GRM7: variants seen among roughly 807,000 people sequenced by gnomAD.
The protein encoded by GRM7 is glutamate metabotropic receptor 7, also known as metabotropic glutamate receptor 7.
In GRM7, 35 loss-of-function variants were observed where a neutral mutation model predicts 84.5. That is an observed-to-expected ratio of 0.41 (90% CI 0.32 to 0.55). The LOEUF (loss-of-function observed/expected upper bound fraction) is 0.55, where lower values mean the gene tolerates loss of function less well. Among genes scored for constraint, GRM7 ranks in the 20% least tolerant of loss-of-function variants. The pLI, the probability that GRM7 is intolerant of heterozygous loss-of-function variation, is 0.19. For synonymous variants in GRM7, 487 were observed against 455.1 expected (o/e 1.07, Z -0.89); for missense variants, 1,003 against 1,194.6 (o/e 0.84, Z 2.36).
At chr3:7,668,581 G>A (rs1368051885) in intron 8 of GRM7, among the ~76,000 whole-genome samples, 1 of 152,264 alleles carries the variant, frequency 6.6e-6, no homozygotes, top group East Asian at 1.9e-4. Flanking sequence ...TGCTGAGAAA[G>A]TGAAGCTTAA....
chr3:7,215,016 A>T (rs1419991713), intron 2 of GRM7, among the ~76,000 whole-genome samples: 3 of 152,332 alleles, frequency 2.0e-5, no homozygotes, highest in Non-Finnish European at 4.4e-5. Flanking sequence ...TTTCTGTTTG[A>T]TGAAATCATA....
intron 1 of GRM7, among the ~76,000 whole-genome samples, chr3:7,002,023 G>C (rs563604835): frequency 6.6e-6 from 1 of 152,128 alleles, no homozygotes. Context: ...TAAAATAACC[G>C]TAAGTTATAG....
At chr3:7,194,878 T>C (rs1695828884) in intron 2 of GRM7, among the ~76,000 whole-genome samples, 1 of 152,122 alleles carries the variant, frequency 6.6e-6, no homozygotes, top group Non-Finnish European at 1.5e-5. Flanking sequence ...ACTTACTGCT[T>C]TACGAAATTG....
intron 1 of GRM7, among the ~76,000 whole-genome samples, chr3:6,971,594 A>C (rs1693760882): frequency 6.6e-6 from 1 of 152,238 alleles, no homozygotes; most frequent in Admixed American, 6.5e-5. Context: ...AAAGAGTGTA[A>C]TATAGCATCA....
At chr3:6,968,785 G>C (rs1029681289) in intron 1 of GRM7, among the ~76,000 whole-genome samples, 2 of 152,184 alleles carry the variant, frequency 1.3e-5, no homozygotes, top group East Asian at 1.9e-4. Flanking sequence ...ATCTTTCAAG[G>C]CATCATGAAA....
At chr3:7,198,319 T>A (rs1695950027) in intron 2 of GRM7, among the ~76,000 whole-genome samples, 1 of 152,136 alleles carries the variant, frequency 6.6e-6, no homozygotes. Flanking sequence ...TTATGTGAAA[T>A]TGAAAAGTTG....
chr3:7,355,709 A>T (rs1048346237), intron 4 of GRM7, among the ~76,000 whole-genome samples: 3 of 152,136 alleles, frequency 2.0e-5, no homozygotes, highest in African/African-American at 7.2e-5. Context: ...GGATGTGTAC[A>T]GCAGGACTCC....
At chr3:6,982,022 A>G (rs184638042) in intron 1 of GRM7, among the ~76,000 whole-genome samples, 645 of 152,252 alleles carry the variant, frequency 4.2e-3, no homozygotes, top group Non-Finnish European at 6.4e-3. Context: ...ACTATTCACA[A>G]TAGCAGAGAC....
intron 8 of GRM7, among the ~76,000 whole-genome samples, chr3:7,657,962 T>C (rs1699276242): frequency 6.6e-6 from 1 of 152,222 alleles, no homozygotes; most frequent in Non-Finnish European, 1.5e-5. Context: ...AGCATTCTGC[T>C]CCTGGGTATG....
intron 8 of GRM7, among the ~76,000 whole-genome samples, chr3:7,673,992 G>A (rs1700034355): frequency 6.6e-6 from 1 of 152,064 alleles, no homozygotes; most frequent in African/African-American, 2.4e-5. Context: ...TTCAGAAAGG[G>A]GCAAATAAAG....
At chr3:7,149,404 A>T (rs888166542) in intron 2 of GRM7, among the ~76,000 whole-genome samples, 1 of 152,194 alleles carries the variant, frequency 6.6e-6, no homozygotes, top group Non-Finnish European at 1.5e-5. Context: ...CTGATGTTCA[A>T]TTGAAGAAAT....
chr3:7,683,007 C>A (rs970202625), intron 9 of GRM7, among the ~76,000 whole-genome samples: 5 of 152,182 alleles, frequency 3.3e-5, no homozygotes, highest in African/African-American at 1.2e-4. Context: ...TGGACTAAAG[C>A]CCAGGTCTGA....
chr3:7,411,414 A>G (rs1425966177), intron 4 of GRM7, among the ~76,000 whole-genome samples: 1 of 152,184 alleles, frequency 6.6e-6, no homozygotes, highest in Non-Finnish European at 1.5e-5. Flanking sequence ...AGAAGGATAG[A>G]TGCCCCAACA....
intron 9 of GRM7, among the ~76,000 whole-genome samples, chr3:7,687,555 C>T (rs191928265): frequency 6.6e-6 from 1 of 152,204 alleles, no homozygotes; most frequent in East Asian, 1.9e-4. Flanking sequence ...TCTGAACCTC[C>T]TATTGTACTC....
chr3:7,462,704 C>G (rs1368018119), intron 7 of GRM7, among the ~76,000 whole-genome samples: 1 of 152,140 alleles, frequency 6.6e-6, no homozygotes, highest in Non-Finnish European at 1.5e-5. Context: ...GAAGCCACTA[C>G]AGGCCAGTTA....
intron 1 of GRM7, among the ~76,000 whole-genome samples, chr3:6,981,432 G>A (rs1020416467): frequency 6.6e-6 from 1 of 152,166 alleles, no homozygotes; most frequent in African/African-American, 2.4e-5. Context: ...ACTGAAATGA[G>A]GCTCCATGAG....
chr3:7,697,429 G>T lies in GRM7; in HGVS notation c.2698+17134G>T, dbSNP rs552071800. Among the ~76,000 whole-genome samples, 10 of 152,212 alleles carry T rather than the reference G, an allele frequency of 6.6e-5. 1 individual carries two copies. The South Asian group carries it at 1.9e-3, about 28-fold the overall frequency. Reference sequence around the variant, plus strand: ...TAAGAAAATGATCCAAGGTATTAGTGACAGAAGTTTTAGAACCCGTTCTGA... The same window carrying T: ...TAAGAAAATGATCCAAGGTATTAGTTACAGAAGTTTTAGAACCCGTTCTGA... On this transcript the variant is annotated intron_variant, in intron 9 of 9. Coordinates refer to ENST00000357716, the MANE Select transcript of GRM7 (RefSeq NM_000844.4).
chr3:6,882,543 T>C (rs1227982948), intron 1 of GRM7, among the ~76,000 whole-genome samples: 1 of 151,080 alleles, frequency 6.6e-6, no homozygotes, highest in African/African-American at 2.5e-5. Context: ...AAGACCTTGT[T>C]TCCCAAAAAA....
intron 2 of GRM7, among the ~76,000 whole-genome samples, chr3:7,271,233 C>G (rs1698841618): frequency 6.6e-6 from 1 of 152,124 alleles, no homozygotes; most frequent in African/African-American, 2.4e-5. Context: ...TGAAGTTAAG[C>G]TGCTTGGTTA....
Sources: gnomAD v4.1 joint callset for allele counts (sites outside exome capture counted in the v4.1 genomes callset) on GRCh38, gnomAD v4.1.1 for gene constraint, MANE v1.5 for transcripts, NCBI Gene and HGNC (gene_info 2026-07-23, HGNC 2026-07-21) for gene names.